Variants in CDH8 observed in about 807,000 individuals in gnomAD.
The protein encoded by CDH8 is cadherin 8, also known as cadherin-8.
A neutral mutation model predicts 68.1 loss-of-function variants in CDH8; 17 were observed. That is an observed-to-expected ratio of 0.25 (90% confidence interval 0.17 to 0.37). CDH8 has a LOEUF of 0.37. Ranked by LOEUF, CDH8 falls within the 10% of genes least tolerant of loss-of-function variation. CDH8 has a pLI of 1.00. For missense variants in CDH8, 763 were observed against 999.3 expected (o/e 0.76, Z 3.19); for synonymous variants, 372 against 365.1 (o/e 1.02, Z -0.21).
chr16:61,803,336 C>A (rs1961705755), intron 7 of CDH8, among the ~76,000 whole-genome samples: 1 of 134,300 alleles, frequency 7.4e-6, no homozygotes, highest in Non-Finnish European at 1.6e-5. Flanking sequence ...TGGAAAGGAA[C>A]AACCGGTACC....
chr16:61,770,589 T>C (rs971828708), intron 8 of CDH8, among the ~76,000 whole-genome samples: 1 of 151,924 alleles, frequency 6.6e-6, no homozygotes, highest in African/African-American at 2.4e-5. Flanking sequence ...TCTAAAAATA[T>C]CCAAAACTTC....
chr16:61,714,354 C>T (rs996083741), intron 9 of CDH8: 4 of 193,084 alleles, frequency 2.1e-5, no homozygotes, highest in Non-Finnish European at 4.2e-5. Context: ...AGGTAAATGG[C>T]TTAAATCTTG....
rs963718682 is a variant in CDH8, at chr16:61,819,297, T to C, written c.1024-1565A>G. Among the ~76,000 whole-genome samples the C allele has an allele frequency of 3.9e-5, 6 of 152,104 alleles. No individual in the cohort carries two copies. In the South Asian group the frequency reaches 6.2e-4, roughly 16 times the overall value. On this transcript the variant is annotated intron_variant, in intron 6 of 11. Transcript: ENST00000577390. ...ACATTTTACTTGGTGTCAAGGTGTA[T>C]AGTATATGCTTCCAAGTTTATGAAT...
intron 10 of CDH8, among the ~76,000 whole-genome samples, chr16:61,686,061 A>G (rs1964099658): frequency 6.6e-6 from 1 of 152,006 alleles, no homozygotes; most frequent in Non-Finnish European, 1.5e-5. Flanking sequence ...TAATTTAAGA[A>G]ATTTAGATAA....
intron 2 of CDH8, among the ~76,000 whole-genome samples, chr16:61,931,843 G>C (rs1380187057): frequency 6.6e-6 from 1 of 152,142 alleles, no homozygotes; most frequent in Non-Finnish European, 1.5e-5. Flanking sequence ...AAACATGTTC[G>C]AGGGAGCTCA....
chr16:61,770,108 G>T (rs1282183146), intron 8 of CDH8, among the ~76,000 whole-genome samples: 1 of 151,768 alleles, frequency 6.6e-6, no homozygotes, highest in African/African-American at 2.4e-5. Flanking sequence ...GCTTTCCTGA[G>T]TCTCGCATGA....
chr16:61,838,515 G>A (rs895114882), intron 4 of CDH8, among the ~76,000 whole-genome samples: 1 of 152,100 alleles, frequency 6.6e-6, no homozygotes, highest in African/African-American at 2.4e-5. Context: ...GTTGATAAAA[G>A]ACTGGTTCCC....
chr16:61,987,708 C>T (rs959867081), intron 2 of CDH8, among the ~76,000 whole-genome samples: 4 of 151,648 alleles, frequency 2.6e-5, no homozygotes, highest in Non-Finnish European at 5.9e-5. Flanking sequence ...TGGATCTCCC[C>T]ATTACTCATA....
At chr16:61,870,932 T>C (rs942849761) in intron 3 of CDH8, among the ~76,000 whole-genome samples, 26 of 152,224 alleles carry the variant, frequency 1.7e-4, no homozygotes, top group Non-Finnish European at 2.9e-5. Context: ...TTACTTGATA[T>C]AATTATCTTA....
At chr16:61,696,445 T>G (rs1435984557) in intron 10 of CDH8, among the ~76,000 whole-genome samples, 1 of 152,130 alleles carries the variant, frequency 6.6e-6, no homozygotes, top group Non-Finnish European at 1.5e-5. Context: ...TGGCTATTAC[T>G]AAAAAGTCAA....
In CDH8 at chr16:62,010,760, G is replaced by A. The variant is rs138170475; in HGVS notation, c.252+10392C>T. 1.5e-3 allele frequency among the ~76,000 whole-genome samples: 226 copies of A among 152,050 alleles called. 2 individuals are homozygous for A. The East Asian group carries it at 0.038, about 26-fold the overall frequency. On this transcript the variant is annotated intron_variant, in intron 2 of 11. Coordinates refer to ENST00000577390, the MANE Select transcript of CDH8 (RefSeq NM_001796.5). ...TCGAGACCAGCCTGACCAACATGGAGAAACACGATCTCTACTAAAAATACA... is the reference window on the plus strand; with the variant it reads ...TCGAGACCAGCCTGACCAACATGGAAAAACACGATCTCTACTAAAAATACA...
intron 1 of CDH8, among the ~76,000 whole-genome samples, chr16:62,031,034 T>A (rs951025626): frequency 2.6e-5 from 4 of 152,180 alleles, no homozygotes; most frequent in Non-Finnish European, 4.4e-5. Flanking sequence ...TTATTTTTTA[T>A]ACATTCTCAA....
chr16:61,909,363 A>T (rs766396251), intron 2 of CDH8, among the ~76,000 whole-genome samples: 2 of 152,204 alleles, frequency 1.3e-5, no homozygotes, highest in Admixed American at 6.5e-5. Context: ...AAGTTCCACA[A>T]GTGCAAGCCC....
intron 9 of CDH8, among the ~76,000 whole-genome samples, chr16:61,722,796 C>A (rs1371113952): frequency 6.6e-6 from 1 of 150,484 alleles, no homozygotes; most frequent in East Asian, 2.0e-4. Flanking sequence ...CTTTGATACC[C>A]CCATAATAAA....
At chr16:61,685,401 C>G (rs373648063) in intron 10 of CDH8, among the ~76,000 whole-genome samples, 1 of 151,792 alleles carries the variant, frequency 6.6e-6, no homozygotes, top group African/African-American at 2.4e-5. Flanking sequence ...ATGAATCAAC[C>G]ATTCAGATAT....
chr16:61,654,638 C>T (rs1186511075), intron 11 of CDH8, among the ~76,000 whole-genome samples: 3 of 152,136 alleles, frequency 2.0e-5, no homozygotes, highest in Non-Finnish European at 4.4e-5. Flanking sequence ...ATGCCTCTAG[C>T]TGGGAAGAGA....
intron 6 of CDH8, among the ~76,000 whole-genome samples, chr16:61,818,833 T>C (rs1962142791): frequency 6.6e-6 from 1 of 152,060 alleles, no homozygotes; most frequent in African/African-American, 2.4e-5. Context: ...CTGGCACCAG[T>C]GAACTCTTTC....
chr16:61,817,338 A>C, intron 7 of CDH8, 141 bp downstream of exon 7: 1 of 750,634 alleles, frequency 1.3e-6, no homozygotes. Context: ...ACACACACAC[A>C]CACAGTATGT....
At chr16:61,700,580 AT>A (rs1964408039) in intron 10 of CDH8, among the ~76,000 whole-genome samples, 1 of 152,058 alleles carries the variant, frequency 6.6e-6, no homozygotes, top group Non-Finnish European at 1.5e-5. Context: ...CACCTGTCTT[AT>A]TTTTAGTTTT....
Sources: allele counts gnomAD v4.1 joint callset (sites outside exome capture counted in the v4.1 genomes callset), GRCh38; gene constraint gnomAD v4.1.1; transcripts MANE v1.5; gene names NCBI Gene and HGNC (gene_info 2026-07-23, HGNC 2026-07-21).